The following SHISA9 variants were observed in gnomAD, a reference collection of about 807,000 sequenced individuals.
The protein encoded by SHISA9 is protein shisa-9.
SHISA9 carries 13 observed loss-of-function variants against 38.0 expected under a neutral mutation model. The observed-to-expected ratio is 0.34, with a 90% CI of 0.22 to 0.54. The LOEUF (loss-of-function observed/expected upper bound fraction) is 0.54. Among genes scored for constraint, SHISA9 ranks in the 20% least tolerant of loss-of-function variants. The pLI is 0.91. For missense variants in SHISA9, 538 were observed against 575.8 expected (o/e 0.93, Z 0.67); for synonymous variants, 275 against 242.0 (o/e 1.14, Z -1.27).
At chr16:13,110,702 G>A (rs1420891835) in intron 2 of SHISA9, among the ~76,000 whole-genome samples, 1 of 152,194 alleles carries the variant, frequency 6.6e-6, no homozygotes, top group Non-Finnish European at 1.5e-5. Flanking sequence ...TGTGATGAAG[G>A]GAGAGTCTGT....
chr16:12,970,968 T>G (rs777251950), intron 2 of SHISA9, among the ~76,000 whole-genome samples: 9 of 152,272 alleles, frequency 5.9e-5, no homozygotes, highest in Admixed American at 2.0e-4. Context: ...ATTTGTTGAA[T>G]GAATGAATGA....
At chr16:13,558,925 G>A in the SHISA9 span, among the ~76,000 whole-genome samples, 1 of 152,224 alleles carries the variant, frequency 6.6e-6, no homozygotes, top group South Asian at 2.1e-4. Context: ...AGTGTCACGA[G>A]TATTGATTCG....
the SHISA9 span, among the ~76,000 whole-genome samples, chr16:13,396,854 C>T: frequency 1.3e-5 from 2 of 152,050 alleles, no homozygotes; most frequent in East Asian, 3.9e-4. Flanking sequence ...CACTGCACAC[C>T]ATTTATACTA....
At chr16:13,260,388 C>A in the SHISA9 span, among the ~76,000 whole-genome samples, 1 of 152,122 alleles carries the variant, frequency 6.6e-6, no homozygotes, top group Non-Finnish European at 1.5e-5. Flanking sequence ...CCTTATAAAG[C>A]TGAATGCCTT....
intron 1 of SHISA9, chr16:12,909,745 C>T: frequency 4.3e-6 from 1 of 234,390 alleles, no homozygotes; most frequent in Non-Finnish European, 7.0e-6. Context: ...TTATTTGCTT[C>T]ATTTTTACAT....
chr16:13,166,894 G>C (rs2050640830), intron 2 of SHISA9, among the ~76,000 whole-genome samples: 1 of 151,828 alleles, frequency 6.6e-6, no homozygotes, highest in Admixed American at 6.6e-5. Flanking sequence ...CTACGTGATG[G>C]GTCGATAGGT....
chr16:13,455,793 C>T, the SHISA9 span, among the ~76,000 whole-genome samples: 5 of 152,116 alleles, frequency 3.3e-5, no homozygotes. Context: ...GCCTCCCTCC[C>T]CCAGTACAAT....
At chr16:13,555,111 G>T in the SHISA9 span, among the ~76,000 whole-genome samples, 1 of 152,208 alleles carries the variant, frequency 6.6e-6, no homozygotes, top group Non-Finnish European at 1.5e-5. Flanking sequence ...ACTTATCTCA[G>T]CCCTAATTTC....
chr16:13,464,064 A>G, the SHISA9 span, among the ~76,000 whole-genome samples: 1 of 152,206 alleles, frequency 6.6e-6, no homozygotes, highest in Non-Finnish European at 1.5e-5. Context: ...CTGTCATGAG[A>G]ATTACACAGA....
At chr16:13,299,480 G>A in the SHISA9 span, among the ~76,000 whole-genome samples, 23 of 152,258 alleles carry the variant, frequency 1.5e-4, no homozygotes, top group Non-Finnish European at 3.1e-4. Flanking sequence ...TTAGGAGGCT[G>A]AGGTGGGCGG....
At chr16:13,258,949 A>C in the SHISA9 span, among the ~76,000 whole-genome samples, 1 of 152,144 alleles carries the variant, frequency 6.6e-6, no homozygotes, top group Non-Finnish European at 1.5e-5. Flanking sequence ...TCACATTTCA[A>C]AACCAATCAT....
intron 2 of SHISA9, among the ~76,000 whole-genome samples, chr16:12,969,169 A>AT (rs1183453574): frequency 6.6e-6 from 1 of 151,618 alleles, no homozygotes; most frequent in Non-Finnish European, 1.5e-5. Flanking sequence ...AAGAAAAAAA[A>AT]AAAAAGAAAA....
At chr16:13,389,375 G>A in the SHISA9 span, among the ~76,000 whole-genome samples, 46 of 152,228 alleles carry the variant, frequency 3.0e-4, no homozygotes, top group African/African-American at 1.1e-3. Context: ...TTTAAGGGCC[G>A]TGTCTCTTTA....
chr16:13,165,992 G>A (rs571934216), intron 2 of SHISA9, among the ~76,000 whole-genome samples: 76 of 152,242 alleles, frequency 5.0e-4, no homozygotes, highest in Non-Finnish European at 9.4e-4. Flanking sequence ...CCTGTAATTC[G>A]CCAGCTACTG....
the SHISA9 span, among the ~76,000 whole-genome samples, chr16:13,257,341 A>G: frequency 2.0e-5 from 3 of 152,304 alleles, no homozygotes; most frequent in African/African-American, 4.8e-5. Context: ...TCATTACGTG[A>G]CAAGTTATTT....
intron 2 of SHISA9, among the ~76,000 whole-genome samples, chr16:13,040,681 C>T (rs1326473887): frequency 3.3e-5 from 5 of 152,160 alleles, no homozygotes; most frequent in African/African-American, 1.2e-4. Context: ...GCATACAATG[C>T]CCCAGTAGAA....
chr16:13,056,226 A>C (rs1011116277), intron 2 of SHISA9, among the ~76,000 whole-genome samples: 2 of 152,240 alleles, frequency 1.3e-5, no homozygotes, highest in African/African-American at 2.4e-5. Flanking sequence ...GGAAGCATGC[A>C]TGCATGACAC....
At chr16:12,916,089 C>G in intron 1 of SHISA9, among the ~76,000 whole-genome samples, 1 of 150,528 alleles carries the variant, frequency 6.6e-6, no homozygotes, top group Non-Finnish European at 1.5e-5. Flanking sequence ...GTCTCCATCC[C>G]CCTGCACACT....
intron 2 of SHISA9, among the ~76,000 whole-genome samples, chr16:13,018,358 C>G (rs955124300): frequency 1.3e-5 from 2 of 152,220 alleles, no homozygotes; most frequent in Non-Finnish European, 2.9e-5. Context: ...AAGAAGCTGT[C>G]GCAATGGCCA....
Sources: gnomAD v4.1 joint callset for allele counts (sites outside exome capture counted in the v4.1 genomes callset) on GRCh38, gnomAD v4.1.1 for gene constraint, MANE v1.5 for transcripts, NCBI Gene and HGNC (gene_info 2026-07-23, HGNC 2026-07-21) for gene names.